Variants in DCC observed in about 807,000 individuals in gnomAD.
The protein encoded by DCC is DCC netrin 1 receptor.
A neutral mutation model predicts 172.5 loss-of-function variants in DCC; 58 were observed. The observed-to-expected ratio is 0.34, with a 90% CI of 0.27 to 0.42. The LOEUF is 0.42. Ranked by LOEUF, DCC falls within the 10% of genes least tolerant of loss-of-function variation. The pLI, the probability that DCC is intolerant of heterozygous loss-of-function variation, is 1.00. For synonymous variants in DCC, 709 were observed against 644.5 expected, an observed-to-expected ratio of 1.10 and a Z score of -1.52; for missense variants, 1,740 against 1,791.0, an observed-to-expected ratio of 0.97 and a Z score of 0.51.
At chr18:53,267,580 A>G (rs2056695747) in intron 12 of DCC, among the ~76,000 whole-genome samples, 2 of 152,240 alleles carry the variant, frequency 1.3e-5, no homozygotes, top group South Asian at 4.1e-4. Context: ...CCTGGGCTCA[A>G]TTGATCCTCC....
intron 1 of DCC, among the ~76,000 whole-genome samples, chr18:52,563,457 T>C (rs941180340): frequency 6.6e-6 from 1 of 152,158 alleles, no homozygotes; most frequent in Non-Finnish European, 1.5e-5. Context: ...TAAATATTAG[T>C]ATGAACTCTG....
chr18:52,631,522 G>A (rs1414200056), intron 1 of DCC, among the ~76,000 whole-genome samples: 1 of 152,130 alleles, frequency 6.6e-6, no homozygotes, highest in African/African-American at 2.4e-5. Flanking sequence ...AATCTTAACT[G>A]GGGGGAAAAT....
chr18:53,291,956 A>G (rs2057009600), intron 12 of DCC, among the ~76,000 whole-genome samples: 1 of 152,174 alleles, frequency 6.6e-6, no homozygotes, highest in South Asian at 2.1e-4. Flanking sequence ...TCCAGTTTCT[A>G]GGACCTAGAA....
chr18:53,168,983 G>T (rs1300887223), intron 8 of DCC, among the ~76,000 whole-genome samples: 1 of 152,162 alleles, frequency 6.6e-6, no homozygotes, highest in Non-Finnish European at 1.5e-5. Flanking sequence ...CAAAAATTGA[G>T]AAGACTAATG....
chr18:53,066,355 A>ATGTG (rs539773214), intron 7 of DCC, among the ~76,000 whole-genome samples, 189 bp downstream of exon 7: 1 of 22,916 alleles, frequency 4.4e-5, no homozygotes, highest in Non-Finnish European at 6.6e-5. Context: ...ACATGTGTGT[A>ATGTG]TATATATATA....
At position 52,747,906 on chromosome 18, in the gene DCC, A is replaced by G. The variant is rs117666872; in HGVS notation, c.92-4148A>G. Among the ~76,000 whole-genome samples, 846 of 152,236 alleles carry G rather than the reference A, an allele frequency of 5.6e-3. 13 individuals are homozygous for G. The highest frequency in any genetic ancestry group is 5.2e-3 in the Non-Finnish European group (356 of 68,016). ...AGGTAGCCTTGCCTAATGACACGGT[A>G]TTTTTCAGTGCCGCTTCGCCAGCCG... On this transcript the variant is annotated intron_variant, in intron 1 of 28. Transcript: ENST00000442544.
chr18:53,358,530 C>CTTTTTTTTTTTTTT (rs35093625), intron 15 of DCC, among the ~76,000 whole-genome samples: 2 of 95,920 alleles, frequency 2.1e-5, no homozygotes, highest in African/African-American at 4.4e-5. Context: ...TTCTCTCTCT[C>CTTTTTTTTTTTTTT]TTTTTTTTTT....
chr18:53,119,128 C>A (rs146770525), intron 7 of DCC, among the ~76,000 whole-genome samples: 16 of 151,852 alleles, frequency 1.1e-4, no homozygotes, highest in Non-Finnish European at 1.8e-4. Context: ...TGAGGTATCA[C>A]AAAGCTTTGT....
intron 1 of DCC, among the ~76,000 whole-genome samples, chr18:52,354,983 A>T (rs938374630): frequency 6.6e-6 from 1 of 152,172 alleles, no homozygotes; most frequent in African/African-American, 2.4e-5. Context: ...AGAATTTGCT[A>T]TCTCTTTAAG....
At chr18:53,101,089 CT>C (rs1375532164) in intron 7 of DCC, among the ~76,000 whole-genome samples, 4 of 152,014 alleles carry the variant, frequency 2.6e-5, no homozygotes, top group African/African-American at 9.7e-5. Context: ...TGTAATTTTA[CT>C]TTACATGTGA....
chr18:53,406,392 G>A (rs1419571393), intron 19 of DCC, among the ~76,000 whole-genome samples: 1 of 134,802 alleles, frequency 7.4e-6, no homozygotes, highest in Non-Finnish European at 1.6e-5. Flanking sequence ...TAGAGTTAGG[G>A]ATTCTGAGGT....
intron 2 of DCC, among the ~76,000 whole-genome samples, chr18:52,803,454 C>T (rs929370525): frequency 7.8e-4 from 119 of 152,224 alleles, no homozygotes; most frequent in African/African-American, 2.8e-3. Context: ...ATTCTGTTTA[C>T]ATTTCTCTCT....
At chr18:53,183,859 T>A (rs1483307388) in intron 9 of DCC, among the ~76,000 whole-genome samples, 2 of 152,004 alleles carry the variant, frequency 1.3e-5, no homozygotes, top group South Asian at 4.1e-4. Flanking sequence ...ACTACCTGTA[T>A]CCTAGAGCAA....
chr18:52,634,032 G>A (rs1189351308), intron 1 of DCC, among the ~76,000 whole-genome samples: 4 of 152,226 alleles, frequency 2.6e-5, no homozygotes, highest in African/African-American at 9.6e-5. Flanking sequence ...TCAGGGAGAT[G>A]CAATAGGAGT....
intron 1 of DCC, among the ~76,000 whole-genome samples, chr18:52,620,873 G>T (rs937771933): frequency 1.3e-5 from 2 of 152,176 alleles, no homozygotes; most frequent in Admixed American, 1.3e-4. Flanking sequence ...ATTTACACTG[G>T]CCTCTGTGTA....
chr18:52,514,778 G>A (rs774634913), intron 1 of DCC, among the ~76,000 whole-genome samples: 4 of 152,178 alleles, frequency 2.6e-5, no homozygotes, highest in Non-Finnish European at 5.9e-5. Context: ...AAAGCTATAT[G>A]AAATAAGTAG....
chr18:52,681,718 T>C (rs542034393), intron 1 of DCC, among the ~76,000 whole-genome samples: 1 of 152,232 alleles, frequency 6.6e-6, no homozygotes, highest in South Asian at 2.1e-4. Flanking sequence ...GAGAATGTAG[T>C]ACTGGATTGA....
chr18:52,810,925 AG>A (rs1194959637), intron 2 of DCC, among the ~76,000 whole-genome samples: 3 of 152,100 alleles, frequency 2.0e-5, no homozygotes, highest in Non-Finnish European at 4.4e-5. Flanking sequence ...TACTCTTGAG[AG>A]GGATGGCAGA....
chr18:52,841,022 G>A (rs548355979), intron 2 of DCC, among the ~76,000 whole-genome samples: 8 of 152,280 alleles, frequency 5.3e-5, no homozygotes, highest in African/African-American at 1.9e-4. Context: ...GATTTAGGTA[G>A]AATGATCTCT....
Sources: allele counts gnomAD v4.1 joint callset (sites outside exome capture counted in the v4.1 genomes callset), GRCh38; gene constraint gnomAD v4.1.1; transcripts MANE v1.5; gene names NCBI Gene and HGNC (gene_info 2026-07-23, HGNC 2026-07-21).